The following THRAP3 variants were observed in gnomAD, a reference collection of about 807,000 sequenced individuals.
The protein encoded by THRAP3 is thyroid hormone receptor-associated protein 3.
In THRAP3, 16 loss-of-function variants were observed where a neutral mutation model predicts 101.0. The observed-to-expected ratio is 0.16, with a 90% CI of 0.11 to 0.24. The LOEUF (loss-of-function observed/expected upper bound fraction) is 0.24. Ranked by LOEUF, THRAP3 falls within the 10% of genes least tolerant of loss-of-function variation. The pLI, the probability that THRAP3 is intolerant of heterozygous loss-of-function variation, is 1.00. For synonymous variants in THRAP3, 407 were observed against 422.6 expected, an observed-to-expected ratio of 0.96 and a Z score of 0.45; for missense variants, 989 against 1,202.7, an observed-to-expected ratio of 0.82 and a Z score of 2.63.
intron 1 of THRAP3, among the ~76,000 whole-genome samples, chr1:36,235,074 A>T (rs947339820): frequency 5.9e-5 from 9 of 152,116 alleles, no homozygotes; most frequent in African/African-American, 2.2e-4. Flanking sequence ...TTGGCCTCCC[A>T]AAGTTCTGGG....
chr1:36,300,422 G>C (rs1249426018), intron 9 of THRAP3, among the ~76,000 whole-genome samples: 1 of 152,234 alleles, frequency 6.6e-6, no homozygotes, highest in Non-Finnish European at 1.5e-5. Context: ...TTTAAACACA[G>C]TGTTTATTTA....
chr1:36,262,716 A>T (rs183601208), intron 2 of THRAP3, among the ~76,000 whole-genome samples: 1,573 of 152,142 alleles, frequency 0.01, 18 homozygotes, highest in African/African-American at 0.034. Context: ...TCTGTAGGTG[A>T]TTACAGTATT....
the THRAP3 span, among the ~76,000 whole-genome samples, chr1:36,216,376 T>C: frequency 6.6e-6 from 1 of 151,058 alleles, no homozygotes; most frequent in Non-Finnish European, 1.5e-5. Context: ...AAAAATTAGC[T>C]GTGTTTGGTG....
chr1:36,286,612 C>T lies in THRAP3; in HGVS notation c.382C>T (p.Arg128Trp), dbSNP rs1645798106. ...YSPRRGRSRS[R>W]SPKRRSPSPR... Reference sequence around the variant, plus strand: ...TCCTCGTCGAGGCCGTTCAAGATCCCGGTCCCCAAAGAGAAGGTCCCCTTC... The same window carrying T: ...TCCTCGTCGAGGCCGTTCAAGATCCTGGTCCCCAAAGAGAAGGTCCCCTTC... Residue 128 changes from arginine (R) to tryptophan (W), a missense_variant, in exon 4 of 12, where the codon CGG becomes TGG. By Grantham distance (101) the Arg-to-Trp change is moderately radical. Coordinates refer to ENST00000354618, the MANE Select transcript of THRAP3 (RefSeq NM_005119.4). This position sits in a 1 kb window ranked among gnomAD's most constrained non-coding sequence, Gnocchi z 5.5. 6.2e-6 allele frequency: 10 copies of T among 1,614,110 alleles called. No homozygotes were observed. The highest frequency in any genetic ancestry group is 8.5e-6 in the Non-Finnish European group (10 of 1,180,030).
At chr1:36,272,873 T>C (rs937589167) in intron 2 of THRAP3, among the ~76,000 whole-genome samples, 1 of 152,242 alleles carries the variant, frequency 6.6e-6, no homozygotes, top group African/African-American at 2.4e-5. Flanking sequence ...GTAGAAGGGA[T>C]GAGAATGATC....
intron 2 of THRAP3, among the ~76,000 whole-genome samples, chr1:36,267,557 A>G (rs1042936162): frequency 3.3e-5 from 5 of 152,180 alleles, no homozygotes; most frequent in African/African-American, 1.2e-4. Context: ...CTTACCTACT[A>G]GTGTAGTGAG....
At chr1:36,276,264 A>G (rs1164414203) in intron 2 of THRAP3, among the ~76,000 whole-genome samples, 1 of 151,344 alleles carries the variant, frequency 6.6e-6, no homozygotes, top group Non-Finnish European at 1.5e-5. Flanking sequence ...GGTGGCTCAC[A>G]CCTGTAATCC....
chr1:36,234,938 G>A (rs1030396003), intron 1 of THRAP3, among the ~76,000 whole-genome samples: 12 of 150,788 alleles, frequency 8.0e-5, no homozygotes, highest in African/African-American at 1.7e-4. Context: ...CTCAGCCTCC[G>A]GAGTAGCTGG....
intron 1 of THRAP3, among the ~76,000 whole-genome samples, chr1:36,232,341 C>T (rs986924603): frequency 2.0e-5 from 3 of 152,130 alleles, no homozygotes; most frequent in Non-Finnish European, 4.4e-5. Flanking sequence ...GTTGCTGTAT[C>T]ACCTTGGCTT....
intron 5 of THRAP3, among the ~76,000 whole-genome samples, chr1:36,291,163 C>G (rs1212162519): frequency 6.6e-6 from 1 of 152,190 alleles, no homozygotes; most frequent in Non-Finnish European, 1.5e-5. Context: ...TAACACTTCA[C>G]TCCACTTGAA....
intron 3 of THRAP3, among the ~76,000 whole-genome samples, chr1:36,283,017 A>G (rs889972579): frequency 9.9e-5 from 15 of 152,196 alleles, no homozygotes; most frequent in African/African-American, 3.6e-4. Context: ...TCACCAAATT[A>G]TTTTTGAAGG....
intron 1 of THRAP3, among the ~76,000 whole-genome samples, chr1:36,237,348 A>T (rs1207702754): frequency 1.3e-5 from 2 of 151,652 alleles, no homozygotes; most frequent in Non-Finnish European, 2.9e-5. Flanking sequence ...AGCACCTGTA[A>T]TCGCAGCTAC....
At chr1:36,256,567 T>C (rs1019250640) in intron 1 of THRAP3, among the ~76,000 whole-genome samples, 1 of 152,066 alleles carries the variant, frequency 6.6e-6, no homozygotes, top group African/African-American at 2.4e-5. Context: ...TTTCTTCTAT[T>C]TGTGACCCAT....
chr1:36,270,872 G>A (rs994290008), intron 2 of THRAP3, among the ~76,000 whole-genome samples: 4 of 152,004 alleles, frequency 2.6e-5, no homozygotes, highest in Non-Finnish European at 5.9e-5. Context: ...GAGCCACTGC[G>A]CCCAGCCAGG....
At chr1:36,256,507 G>A (rs963273783) in intron 1 of THRAP3, among the ~76,000 whole-genome samples, 1 of 151,980 alleles carries the variant, frequency 6.6e-6, no homozygotes, top group African/African-American at 2.4e-5. Flanking sequence ...TTACAGGCAT[G>A]AGCCACTGCG....
chr1:36,213,909 GAGAAAGAAAGAAAGAAAGAAAGAA>G, the THRAP3 span, among the ~76,000 whole-genome samples: 3 of 80,354 alleles, frequency 3.7e-5, no homozygotes, highest in South Asian at 5.4e-4. Context: ...AAGAAGGAAA[GAGAAAGAAAGAAAGAAAGAAAGAA>G]AGAAAGAAAG....
At chr1:36,289,813 T>C in intron 5 of THRAP3, 49 bp downstream of exon 5, 1 of 1,541,264 alleles carries the variant, frequency 6.5e-7, no homozygotes, top group Non-Finnish European at 8.7e-7. Context: ...GCCTAAGTGG[T>C]GTCGCCTAGC....
chr1:36,301,440 T>C (rs982101363), intron 10 of THRAP3, 113 bp from the exon 11 acceptor site: 12 of 1,339,194 alleles, frequency 9.0e-6, no homozygotes, highest in African/African-American at 1.5e-5. Context: ...AGCATATGAC[T>C]GGAAGACAGC....
chr1:36,226,548 C>A (rs113680396), intron 1 of THRAP3, among the ~76,000 whole-genome samples: 2,147 of 152,222 alleles, frequency 0.014, 55 homozygotes, highest in African/African-American at 0.048. Context: ...CGTAAGCCAC[C>A]GCGCCCGGCC....
Sources: gnomAD v4.1 joint callset for allele counts (sites outside exome capture counted in the v4.1 genomes callset) on GRCh38, gnomAD v4.1.1 for gene constraint, Gnocchi (gnomAD v3.1) non-coding constraint, MANE v1.5 for transcripts, NCBI Gene and HGNC (gene_info 2026-07-23, HGNC 2026-07-21) for gene names.